The following DOCK5 variants were observed in gnomAD, a reference collection of about 807,000 sequenced individuals.
The protein encoded by DOCK5 is dedicator of cytokinesis protein 5.
A neutral mutation model predicts 251.8 loss-of-function variants in DOCK5; 142 were observed. The ratio of observed to expected loss-of-function variants is 0.56; its 90% CI spans 0.49 to 0.65. The LOEUF is 0.65. Among genes scored for constraint, DOCK5 ranks in the 30% least tolerant of loss-of-function variants. The pLI, the probability that DOCK5 is intolerant of heterozygous loss-of-function variation, is 0.00. For synonymous variants in DOCK5, 842 were observed against 835.5 expected, an observed-to-expected ratio of 1.01 and a Z score of -0.13; for missense variants, 2,111 against 2,312.3, an observed-to-expected ratio of 0.91 and a Z score of 1.79.
Position 25,369,659 on chromosome 8 carries a change from G to T in DOCK5, c.3524+18G>T. 1 of 1,586,518 alleles carries T rather than the reference G, an allele frequency of 6.3e-7. No homozygotes were observed. Among genetic ancestry groups the T allele is most frequent in the Non-Finnish European group, 8.6e-7 (1 of 1,164,116 alleles). On this transcript the variant is annotated intron_variant, in intron 34 of 51. Coordinates refer to ENST00000276440, the MANE Select transcript of DOCK5 (RefSeq NM_024940.8). ...GAAAAACTGTGAGTATTTCAGGAAC[G>T]AAACCTGAAGTCAGTGGTGTCATTT...
intron 1 of DOCK5, among the ~76,000 whole-genome samples, chr8:25,239,921 A>T (rs1802901116): frequency 6.6e-6 from 1 of 152,118 alleles, no homozygotes; most frequent in Non-Finnish European, 1.5e-5. Context: ...AGGCCACTGG[A>T]AAACAGGTGG....
At chr8:25,201,034 G>A (rs1586223619) in intron 1 of DOCK5, among the ~76,000 whole-genome samples, 1 of 152,272 alleles carries the variant, frequency 6.6e-6, no homozygotes, top group South Asian at 2.1e-4. Flanking sequence ...AGCCTCCTGA[G>A]TAGCTGGGAT....
chr8:25,211,457 T>C lies in DOCK5; in HGVS notation c.43+26506T>C, dbSNP rs1401967535. On this transcript the variant is annotated intron_variant, in intron 1 of 51. Coordinates refer to ENST00000276440, the MANE Select transcript of DOCK5 (RefSeq NM_024940.8). ...CACACCTAGTAAGTGCTCAATAAAA[T>C]ATGGGCAAGCATTTGACTTGCGTCT... 1.1e-4 allele frequency among the ~76,000 whole-genome samples: 8 copies of C among 71,078 alleles called. 2 individuals carry two copies. In the East Asian group the frequency reaches 2.2e-3, roughly 19 times the overall value. 46.6% of individuals were successfully genotyped at this position (71,078 alleles called of 152,430 possible).
At chr8:25,391,794 A>G (rs1329630645) in intron 42 of DOCK5, 102 bp from the exon 43 acceptor site, 4 of 983,640 alleles carry the variant, frequency 4.1e-6, no homozygotes, top group Non-Finnish European at 4.5e-6. Context: ...CTTAGTGGGT[A>G]AAACTCAGAC....
intron 33 of DOCK5, among the ~76,000 whole-genome samples, chr8:25,369,260 A>AT (rs754981370): frequency 3.9e-5 from 6 of 152,252 alleles, no homozygotes; most frequent in Non-Finnish European, 8.8e-5. Context: ...CTGAAGTAAA[A>AT]TAGAAAAACA....
intron 39 of DOCK5, among the ~76,000 whole-genome samples, chr8:25,381,928 C>T (rs1486897388): frequency 6.6e-6 from 1 of 152,194 alleles, no homozygotes; most frequent in Non-Finnish European, 1.5e-5. Flanking sequence ...TCACCACCAC[C>T]TTCTGGGCAC....
At chr8:25,411,036 G>A (rs1358937649) in intron 51 of DOCK5, among the ~76,000 whole-genome samples, 158 bp from the exon 52 acceptor site, 1 of 149,106 alleles carries the variant, frequency 6.7e-6, no homozygotes, top group African/African-American at 2.5e-5. Flanking sequence ...GAAACAAGGA[G>A]GATAAGTCAG....
chr8:25,310,105 T>G (rs1196708052), intron 12 of DOCK5, among the ~76,000 whole-genome samples: 2 of 152,188 alleles, frequency 1.3e-5, no homozygotes, highest in Non-Finnish European at 2.9e-5. Flanking sequence ...TGTATATATC[T>G]TTTTTACCCC....
chr8:25,242,578 A>T (rs1802983043), intron 1 of DOCK5, among the ~76,000 whole-genome samples: 1 of 152,224 alleles, frequency 6.6e-6, no homozygotes, highest in Non-Finnish European at 1.5e-5. Flanking sequence ...ATAGTGTCGA[A>T]CATCTCTTCG....
At position 25,373,608 on chromosome 8, in the gene DOCK5, T is replaced by TG. The variant is rs759182649; in HGVS notation, c.3685-10_3685-9insG. ...TGTTGGGATTCTGTGATCCTTTTTT[T>TG]TCCTGGCAGAACTTTTATAAAGAAA... is the stretch of plus-strand genomic sequence containing the variant. On this transcript the variant is annotated splice_polypyrimidine_tract_variant and intron_variant, in intron 35 of 51. Coordinates refer to ENST00000276440, the MANE Select transcript of DOCK5 (RefSeq NM_024940.8). The TG allele has an allele frequency of 6.3e-7, 1 of 1,590,322 alleles. No homozygotes were observed. Among genetic ancestry groups the TG allele is most frequent in the Non-Finnish European group, 8.6e-7 (1 of 1,167,544 alleles).
At chr8:25,274,528 T>C (rs1042033019) in intron 3 of DOCK5, among the ~76,000 whole-genome samples, 3 of 152,198 alleles carry the variant, frequency 2.0e-5, no homozygotes, top group Non-Finnish European at 4.4e-5. Context: ...CTGATTTCTA[T>C]CCACCAGTTT....
At chr8:25,232,260 GGA>G (rs570214992) in intron 1 of DOCK5, among the ~76,000 whole-genome samples, 1 of 151,868 alleles carries the variant, frequency 6.6e-6, no homozygotes, top group South Asian at 2.1e-4. Context: ...CCTCTTGGGA[GGA>G]TTCTGCAATG....
At chr8:25,315,643 A>T (rs936559836) in intron 13 of DOCK5, among the ~76,000 whole-genome samples, 9 of 152,250 alleles carry the variant, frequency 5.9e-5, no homozygotes, top group African/African-American at 1.7e-4. Flanking sequence ...AAACACCGCA[A>T]TGAATATCCT....
intron 5 of DOCK5, among the ~76,000 whole-genome samples, chr8:25,281,013 A>G (rs1376407774): frequency 1.3e-5 from 2 of 150,190 alleles, no homozygotes; most frequent in African/African-American, 4.9e-5. Context: ...ACTGGAGAGT[A>G]TGAGTGAGGC....
intron 37 of DOCK5, chr8:25,375,070 A>G (rs1800941016): frequency 9.4e-6 from 8 of 847,124 alleles, no homozygotes; most frequent in Non-Finnish European, 1.2e-5. Flanking sequence ...AAATACATCT[A>G]TATGTTATGA....
chr8:25,193,206 T>A (rs1297190437), intron 1 of DOCK5, among the ~76,000 whole-genome samples: 2 of 152,182 alleles, frequency 1.3e-5, no homozygotes, highest in African/African-American at 4.8e-5. Context: ...TCACAAGCTT[T>A]TCATCAGCCA....
intron 45 of DOCK5, among the ~76,000 whole-genome samples, chr8:25,399,498 A>G (rs917914549): frequency 6.6e-6 from 1 of 152,168 alleles, no homozygotes. Context: ...TGTCACCTCC[A>G]TCTTCTGTTT....
At chr8:25,361,820 C>T (rs1330775259) in intron 28 of DOCK5, among the ~76,000 whole-genome samples, 25 of 152,124 alleles carry the variant, frequency 1.6e-4, no homozygotes, top group Non-Finnish European at 5.9e-5. Flanking sequence ...AGTTACCCAG[C>T]TTGACCAGCA....
rs184331530 is a variant in DOCK5, at chr8:25,374,544, C to G, written c.3726-20C>G. The G allele has an allele frequency of 1.1e-5, 17 of 1,587,544 alleles. No individual in the cohort carries two copies. The Admixed American group carries it at 2.1e-4, about 19-fold the overall frequency. ...AAAACTCTCGAGTGACAAAATGCTT[C>G]CTTCTCCCCTTCTTGCCAGATATCT... On this transcript the variant is annotated intron_variant, in intron 36 of 51. Transcript: ENST00000276440.
Sources: allele counts gnomAD v4.1 joint callset (sites outside exome capture counted in the v4.1 genomes callset), GRCh38; gene constraint gnomAD v4.1.1; transcripts MANE v1.5; gene names NCBI Gene and HGNC (gene_info 2026-07-23, HGNC 2026-07-21).